The following TLN1 variants were observed in gnomAD, a reference collection of about 807,000 sequenced individuals.
TLN1 encodes the protein talin-1.
Under a neutral mutation model 292.3 loss-of-function variants are expected in TLN1, and 56 were observed. The observed-to-expected ratio is 0.19, with a 90% CI of 0.15 to 0.24. The LOEUF (loss-of-function observed/expected upper bound fraction) is 0.24. Ranked by LOEUF, TLN1 falls within the 10% of genes least tolerant of loss-of-function variation. The pLI is 1.00. For synonymous variants in TLN1, 1,119 were observed against 1,253.7 expected (o/e 0.89, Z 2.27); for missense variants, 2,433 against 3,248.2 (o/e 0.75, Z 6.10).
At position 35,704,572 on chromosome 9, in the gene TLN1, A is replaced by T; in HGVS notation, c.5881-74T>A. ...GGAAAGGTTGCCCATGCCTGGGAGA[A>T]GTGACAACAGGAGAGGGCTGAGAGG... is the stretch of plus-strand genomic sequence containing the variant. On this transcript the variant is annotated intron_variant, in intron 44 of 56. Transcript: ENST00000314888. This position sits in a 1 kb window ranked among gnomAD's most constrained non-coding sequence, Gnocchi z 6.9. 3 of 1,586,106 alleles carry T rather than the reference A, an allele frequency of 1.9e-6. No homozygotes were observed. In the Admixed American group the frequency reaches 5.1e-5, roughly 27 times the overall value.
chr9:35,699,833 G>T lies in TLN1; in HGVS notation c.6768+141C>A. ...GGGGCCTGGGAGAAAGGGAGACTTG[G>T]AAAGGAGAACAGATTTGGGAAGTAG... is the stretch of plus-strand genomic sequence containing the variant. On this transcript the variant is annotated intron_variant, in intron 50 of 56. Coordinates refer to ENST00000314888, the MANE Select transcript of TLN1 (RefSeq NM_006289.4). This position sits in a 1 kb window ranked among gnomAD's most constrained non-coding sequence, Gnocchi z 4.0. The T allele has an allele frequency of 9.1e-7, 1 of 1,096,936 alleles. No individual in the cohort carries two copies. 68.0% of individuals were successfully genotyped at this position (1,096,936 alleles called of 1,614,324 possible).
In TLN1 at chr9:35,708,328, T is replaced by C. The variant is rs1825601769; in HGVS notation, c.4470+13A>G. ...TCCCAGACTCGCCTGTGGTCCCTGTTCCCTTGAGTTACCTGGGCCTGGGTA... is the reference window on the plus strand; with the variant it reads ...TCCCAGACTCGCCTGTGGTCCCTGTCCCCTTGAGTTACCTGGGCCTGGGTA... On this transcript the variant is annotated intron_variant, in intron 34 of 56. Coordinates refer to ENST00000314888, the MANE Select transcript of TLN1 (RefSeq NM_006289.4). The C allele has an allele frequency of 6.3e-7, 1 of 1,592,558 alleles. No homozygotes were observed. Among genetic ancestry groups the C allele is most frequent in the Non-Finnish European group, 8.6e-7 (1 of 1,167,902 alleles).
chr9:35,708,829 C>A (rs2756894), intron 33 of TLN1, among the ~76,000 whole-genome samples: 92,522 of 152,044 alleles, frequency 0.61, 28,349 homozygotes, highest in African/African-American at 0.68. Flanking sequence ...AGCAGTAAAA[C>A]GTTTGAGAGC....
rs1289408303 is a variant in TLN1 at position 35,707,423 on chromosome 9, C to T, written c.4698G>A (p.Leu1566=). The T allele has an allele frequency of 2.5e-6, 4 of 1,614,182 alleles. No homozygotes were observed. The East Asian group carries it at 8.9e-5, about 36-fold the overall frequency. ...AQCRAATAPL[L]EAVDNLSAFA... ...AGGCACTCAGATTGTCCACAGCCTCCAGCAGAGGGGCTGTTGCTGCTCGGC... is the reference window on the plus strand; with the variant it reads ...AGGCACTCAGATTGTCCACAGCCTCTAGCAGAGGGGCTGTTGCTGCTCGGC... Residue 1566 remains leucine, a synonymous_variant, in exon 36 of 57, where the codon CTG becomes CTA. Coordinates refer to ENST00000314888, the MANE Select transcript of TLN1 (RefSeq NM_006289.4). This position sits in a 1 kb window ranked among gnomAD's most constrained non-coding sequence, Gnocchi z 5.6.
chr9:35,723,393 G>A (rs1433169854), intron 7 of TLN1: 5 of 189,300 alleles, frequency 2.6e-5, no homozygotes, highest in South Asian at 1.9e-4. Context: ...GTGAGCCACC[G>A]AGCCTGGCCA....
chr9:35,716,429 G>T lies in TLN1; in HGVS notation c.2586C>A (p.Ile862=). The T allele has an allele frequency of 6.2e-7, 1 of 1,614,216 alleles. No homozygotes were observed. Among genetic ancestry groups the T allele is most frequent in the Non-Finnish European group, 8.5e-7 (1 of 1,180,038 alleles). Residue 862 remains isoleucine (I), a synonymous_variant, in exon 20 of 57, where the codon ATC becomes ATA. Transcript: ENST00000314888. ...CCATCTTGGCTGTGGCATCAGCTAGGATCTTGGCAGCACTTAAGAGCTTGC... is the reference window on the plus strand; with the variant it reads ...CCATCTTGGCTGTGGCATCAGCTAGTATCTTGGCAGCACTTAAGAGCTTGC... ...NSRKLLSAAK[I]LADATAKMVE... is the part of the protein sequence containing the mutation.
intron 9 of TLN1, 118 bp from the exon 10 acceptor site, chr9:35,721,921 G>T: frequency 7.3e-7 from 1 of 1,368,116 alleles, no homozygotes; most frequent in Non-Finnish European, 1.0e-6. Context: ...AACGGACAAG[G>T]GAAAATGCAG....
rs754157233 is a variant in TLN1 at position 35,710,863 on chromosome 9, G to A, written c.4137C>T (p.Asn1379=). Residue 1379 remains asparagine, a synonymous_variant, in exon 32 of 57, where the codon AAC becomes AAT. Coordinates refer to ENST00000314888, the MANE Select transcript of TLN1 (RefSeq NM_006289.4). ...ELETVRELLE[N]PVQPINDMSY... ...ACATGTCATTGATGGGCTGGACTGG[G>A]TTCTCCAGGAGTTCCCGGACCGTCT... The A allele has an allele frequency of 2.5e-6, 4 of 1,614,242 alleles. No individual in the cohort carries two copies. Among genetic ancestry groups the A allele is most frequent in the Non-Finnish European group, 2.5e-6 (3 of 1,180,048 alleles).
Position 35,717,593 on chromosome 9 carries a change from G to A in TLN1, c.2163+26C>T, listed in dbSNP as rs749932732. 1.1e-5 allele frequency: 17 copies of A among 1,597,526 alleles called. No individual in the cohort carries two copies. Among genetic ancestry groups the A allele is most frequent in the African/African-American group, 5.4e-5 (4 of 74,636 alleles). The stretch of plus-strand genomic sequence containing the variant: ...GTGTGGTAGTATTACCCCTCAGCAC[G>A]GACTAGAGCAACCTTTGGGGCTCAC... On this transcript the variant is annotated intron_variant, in intron 18 of 56. Transcript: ENST00000314888. The surrounding 1 kb of genome is among the most constrained non-coding windows in gnomAD (Gnocchi z 4.7).
In TLN1 at chr9:35,715,064, G is replaced by C; in HGVS notation, c.2749C>G (p.Leu917Val). ...NAIKKKLVQRLEHAAKQAAAS... is the reference protein window; with the variant it reads ...NAIKKKLVQRVEHAAKQAAAS... ...GGTGAAACTCCCAGCCTCACCTCCAGGCGCTGCACCAGCTTTTTCTTGATG... is the reference window on the plus strand; with the variant it reads ...GGTGAAACTCCCAGCCTCACCTCCACGCGCTGCACCAGCTTTTTCTTGATG... Residue 917 changes from leucine (L) to valine (V), a missense_variant, in exon 21 of 57, where the codon CTG becomes GTG. Transcript: ENST00000314888. 2 of 1,612,954 alleles carry C rather than the reference G, an allele frequency of 1.2e-6. No individual in the cohort carries two copies. Among genetic ancestry groups the C allele is most frequent in the Non-Finnish European group, 1.7e-6 (2 of 1,180,032 alleles).
At position 35,704,548 on chromosome 9, in the gene TLN1, G is replaced by T; in HGVS notation, c.5881-50C>A. 1 of 1,582,936 alleles carries T rather than the reference G, an allele frequency of 6.3e-7. No homozygotes were observed. The highest frequency in any genetic ancestry group is 8.6e-7 in the Non-Finnish European group (1 of 1,162,762). ...ACTGTGGAAGGTGCCATGTGAAATG[G>T]AAAGGTTGCCCATGCCTGGGAGAAG... On this transcript the variant is annotated intron_variant, in intron 44 of 56. Transcript: ENST00000314888. This position sits in a 1 kb window ranked among gnomAD's most constrained non-coding sequence, Gnocchi z 6.9.
At position 35,715,172 on chromosome 9, in the gene TLN1, G is replaced by A; in HGVS notation, c.2641C>T (p.Pro881Ser). 6.2e-7 allele frequency: 1 copy of A among 1,611,472 alleles called. No individual in the cohort carries two copies. The highest frequency in any genetic ancestry group is 8.5e-7 in the Non-Finnish European group (1 of 1,179,998). The change falls in exon 21 of 57, where the codon CCT becomes TCT. Residue 881 changes from proline to serine, a missense_variant. Transcript: ENST00000314888. ...CGCTGCTGCTGCTCCTCACTGTCAG[G>A]GTGGGCAGCTGCTCCCTGAGGGAGA... ...VEAAKGAAAH[P>S]DSEEQQQRLR...
Position 35,697,808 on chromosome 9 carries a change from GCT to G in TLN1, c.7607_7608del (p.Glu2536AlafsTer4), listed in dbSNP as rs1825393083. 1 of 1,614,120 alleles carries G rather than the reference GCT, an allele frequency of 6.2e-7. No individual in the cohort carries two copies. Among genetic ancestry groups the G allele is most frequent in the Admixed American group, 1.7e-5 (1 of 60,026 alleles). On this transcript the variant is annotated frameshift_variant, in exon 57 of 57. Transcript: ENST00000314888. LOFTEE classifies it high-confidence loss of function. ...RQQQYKFLPS[E>X]LRDEH is the part of the protein sequence containing the mutation. Reference sequence around the variant, plus strand: ...AGGCTTCTTTAGTGCTCATCTCGAAGCTCTGAAGGCAGAAACTTGTACTGCTG... The same window carrying G: ...AGGCTTCTTTAGTGCTCATCTCGAAGCTGAAGGCAGAAACTTGTACTGCTG...
At position 35,699,800 on chromosome 9, in the gene TLN1, A is replaced by T; in HGVS notation, c.6768+174T>A. On this transcript the variant is annotated intron_variant, in intron 50 of 56. Coordinates refer to ENST00000314888, the MANE Select transcript of TLN1 (RefSeq NM_006289.4). The surrounding 1 kb of genome is among the most constrained non-coding windows in gnomAD (Gnocchi z 4.0). ...GTGACTGGGAGAACCAAAGATGATA[A>T]GAAGGATGGGGCCTGGGAGAAAGGG... is the stretch of plus-strand genomic sequence containing the variant. 1 of 725,638 alleles carries T rather than the reference A, an allele frequency of 1.4e-6. No homozygotes were observed. The highest frequency in any genetic ancestry group is 1.7e-6 in the Non-Finnish European group (1 of 593,216). 44.9% of individuals were successfully genotyped at this position (725,638 alleles called of 1,614,324 possible).
chr9:35,729,000 A>G (rs147829381), intron 1 of TLN1, among the ~76,000 whole-genome samples: 60 of 152,370 alleles, frequency 3.9e-4, no homozygotes, highest in African/African-American at 1.4e-3. Context: ...AGTCTCCATG[A>G]TAAGTATCAT....
At chr9:35,703,532 G>C in intron 48 of TLN1, 28 bp downstream of exon 48, 1 of 1,598,850 alleles carries the variant, frequency 6.3e-7, no homozygotes. Context: ...TCTGACCCTA[G>C]TCACTGATGC....
chr9:35,728,110 G>T (rs1826009812), intron 1 of TLN1, among the ~76,000 whole-genome samples: 3 of 152,138 alleles, frequency 2.0e-5, no homozygotes, highest in Admixed American at 1.3e-4. Context: ...ATACATTCCT[G>T]CGATGCATTC....
At chr9:35,720,532 A>G (rs929149638) in intron 11 of TLN1, 23 bp from the exon 12 acceptor site, 7 of 1,611,830 alleles carry the variant, frequency 4.3e-6, no homozygotes, top group South Asian at 1.1e-5. Flanking sequence ...AAAAGGAACA[A>G]GAGTTGGGAT....
rs949671844 is a variant in TLN1 at position 35,718,819 on chromosome 9, T to C, written c.1988A>G (p.His663Arg). Residue 663 changes from histidine (H) to arginine (R), a missense_variant, in exon 17 of 57, where the codon CAC becomes CGC. Physicochemically the swap from His to Arg is conservative, Grantham distance 29. Around this residue, in one of 7 missense-constraint regions of TLN1, gnomAD observed 617 missense variants for 770.6 expected, o/e 0.80. Coordinates refer to ENST00000314888, the MANE Select transcript of TLN1 (RefSeq NM_006289.4). ...QQIGESDTDP[H>R]FQDALMQLAK... ...GTTGGGTAAGTCACCAACCTGGAAGTGGGGGTCAGTATCACTTTCCCCAAT... is the reference window on the plus strand; with the variant it reads ...GTTGGGTAAGTCACCAACCTGGAAGCGGGGGTCAGTATCACTTTCCCCAAT... 8.7e-6 allele frequency: 14 copies of C among 1,613,372 alleles called. No homozygotes were observed. The highest frequency in any genetic ancestry group is 1.2e-5 in the Non-Finnish European group (14 of 1,179,712).
Sources: gnomAD v4.1 joint callset for allele counts (sites outside exome capture counted in the v4.1 genomes callset) on GRCh38, gnomAD v4.1.1 for gene constraint, gnomAD v4.1.1 regional missense constraint, Gnocchi (gnomAD v3.1) non-coding constraint, MANE v1.5 for transcripts, NCBI Gene and HGNC (gene_info 2026-07-23, HGNC 2026-07-21) for gene names.